The following ASTN2 variants were observed in gnomAD, a reference collection of about 807,000 sequenced individuals.
ASTN2 encodes astrotactin-2.
In ASTN2, 54 loss-of-function variants were observed where a neutral mutation model predicts 139.8. The ratio of observed to expected loss-of-function variants is 0.39; its 90% CI spans 0.31 to 0.48. The LOEUF is 0.48. Among genes scored for constraint, ASTN2 ranks in the 20% least tolerant of loss-of-function variants. The probability of loss-of-function intolerance (pLI) is 0.95; values close to 1 mark genes in which losing one functional copy is unlikely to be tolerated. For synonymous variants in ASTN2, 756 were observed against 719.5 expected (o/e 1.05, Z -0.81); for missense variants, 1,565 against 1,725.1 (o/e 0.91, Z 1.64).
intron 19 of ASTN2, among the ~76,000 whole-genome samples, chr9:116,543,049 A>G (rs781661954): frequency 2.0e-5 from 3 of 152,102 alleles, no homozygotes; most frequent in Non-Finnish European, 4.4e-5. Flanking sequence ...ACTCTCTTTT[A>G]AATTGATTAT....
chr9:117,174,198 A>C (rs945284428), intron 3 of ASTN2, among the ~76,000 whole-genome samples: 6 of 151,988 alleles, frequency 3.9e-5, no homozygotes, highest in Non-Finnish European at 7.4e-5. Context: ...CCATGAATAC[A>C]CATACTTATT....
Position 116,698,748 on chromosome 9 carries a change from C to T in ASTN2, c.2806+27023G>A. The T allele has an allele frequency of 6.2e-7, 1 of 1,614,156 alleles. No individual in the cohort carries two copies. The highest frequency in any genetic ancestry group is 8.5e-7 in the Non-Finnish European group (1 of 1,180,044). On this transcript the variant is annotated intron_variant, in intron 16 of 22. Transcript: ENST00000313400. This position sits in a 1 kb window ranked among gnomAD's most constrained non-coding sequence, Gnocchi z 4.4. Reference sequence around the variant, plus strand: ...GAGCCCGGAGGAAGTGGTTGCCAGCCCTAGGGCCTCACCTGCTAAACAGCG... The same window carrying T: ...GAGCCCGGAGGAAGTGGTTGCCAGCTCTAGGGCCTCACCTGCTAAACAGCG...
At chr9:116,482,697 GCTTTGCTTTTT>G (rs1210140115) in intron 20 of ASTN2, among the ~76,000 whole-genome samples, 1 of 152,026 alleles carries the variant, frequency 6.6e-6, no homozygotes, top group Non-Finnish European at 1.5e-5. Flanking sequence ...CTTCTCCGGG[GCTTTGCTTTTT>G]CTTCTACTCT....
chr9:116,931,752 T>G (rs1362651414), intron 10 of ASTN2, among the ~76,000 whole-genome samples: 1 of 152,178 alleles, frequency 6.6e-6, no homozygotes, highest in Non-Finnish European at 1.5e-5. Flanking sequence ...TCGATAATAC[T>G]AAGACATACA....
chr9:117,342,683 T>C lies in ASTN2; in HGVS notation c.443-51170A>G, dbSNP rs1587965030. Among the ~76,000 whole-genome samples, 7 of 152,304 alleles carry C rather than the reference T, an allele frequency of 4.6e-5. 1 individual carries two copies. The highest frequency in any genetic ancestry group is 2.1e-4 in the South Asian group (1 of 4,824). On this transcript the variant is annotated intron_variant, in intron 1 of 22. Transcript: ENST00000313400. ...GAGGGGAGACTGACTTAACACGCAA[T>C]ATTACCATTTTCAAACTGTGTTTTC...
intron 2 of ASTN2, among the ~76,000 whole-genome samples, chr9:117,262,265 T>C (rs1000544168): frequency 6.6e-6 from 1 of 152,100 alleles, no homozygotes; most frequent in African/African-American, 2.4e-5. Flanking sequence ...GTTTTTCCTG[T>C]GGTTAGGCAG....
At chr9:117,013,482 ATATAT>A (rs747489207) in intron 6 of ASTN2, among the ~76,000 whole-genome samples, 2,402 of 39,542 alleles carry the variant, frequency 0.061, 31 homozygotes, top group East Asian at 0.1. Context: ...ATATATATAT[ATATAT>A]TTTTTTTTTT....
At position 116,699,162 on chromosome 9, in the gene ASTN2, G is replaced by A; in HGVS notation, c.2806+26609C>T. ...CAGGAGCCAGCTGAGCAAACCATGG[G>A]GTATCACAGCCTTGCCATCTGGCCA... On this transcript the variant is annotated intron_variant, in intron 16 of 22. Coordinates refer to ENST00000313400, the MANE Select transcript of ASTN2 (RefSeq NM_001365068.1). The surrounding 1 kb of genome is among the most constrained non-coding windows in gnomAD (Gnocchi z 4.2). 1.2e-6 allele frequency: 2 copies of A among 1,614,246 alleles called. No homozygotes were observed. The highest frequency in any genetic ancestry group is 2.2e-5 in the South Asian group (2 of 91,086).
At chr9:116,649,355 C>T (rs12378351) in intron 17 of ASTN2, among the ~76,000 whole-genome samples, 1 of 151,768 alleles carries the variant, frequency 6.6e-6, no homozygotes, top group African/African-American at 2.4e-5. Flanking sequence ...GGTGGATCAC[C>T]TGAGGCCAGG....
chr9:117,025,356 C>A (rs1838034136), intron 6 of ASTN2, among the ~76,000 whole-genome samples: 1 of 152,166 alleles, frequency 6.6e-6, no homozygotes, highest in South Asian at 2.1e-4. Flanking sequence ...TACTCATGCC[C>A]CCCCTTTTGG....
rs148990040 is a variant in ASTN2, at chr9:116,819,796, G to T, written c.2207+821C>A. Among the ~76,000 whole-genome samples the T allele has an allele frequency of 6.1e-3, 924 of 152,308 alleles. 9 individuals carry two copies. In the Middle Eastern group the frequency reaches 0.075, roughly 12 times the overall value. ...GAAGAGAAGAAAAAAGTCTGTTCTT[G>T]TAAGTGATTACTAAGGACCAAATGC... is the stretch of plus-strand genomic sequence containing the variant. On this transcript the variant is annotated intron_variant, in intron 12 of 22. Coordinates refer to ENST00000313400, the MANE Select transcript of ASTN2 (RefSeq NM_001365068.1).
At chr9:117,099,374 A>G (rs1451617237) in intron 4 of ASTN2, among the ~76,000 whole-genome samples, 1 of 151,940 alleles carries the variant, frequency 6.6e-6, no homozygotes, top group African/African-American at 2.4e-5. Context: ...CTTCCTTCCA[A>G]TCTCCACTTT....
chr9:116,849,086 A>G (rs531779886), intron 11 of ASTN2, among the ~76,000 whole-genome samples: 1 of 152,318 alleles, frequency 6.6e-6, no homozygotes, highest in East Asian at 1.9e-4. Flanking sequence ...CACCAGATGG[A>G]AAAGTTGCAC....
chr9:116,489,497 C>A (rs150344659), intron 19 of ASTN2, among the ~76,000 whole-genome samples: 156 of 152,184 alleles, frequency 1.0e-3, no homozygotes, highest in African/African-American at 3.4e-3. Flanking sequence ...CCACCACACC[C>A]AGCTGACTTT....
At chr9:116,484,783 G>A (rs189964096) in intron 20 of ASTN2, among the ~76,000 whole-genome samples, 2 of 152,198 alleles carry the variant, frequency 1.3e-5, no homozygotes, top group East Asian at 3.8e-4. Context: ...TATTTTAAGA[G>A]GTGGAAAGGA....
chr9:116,965,799 T>C (rs1265949695), intron 10 of ASTN2, among the ~76,000 whole-genome samples: 2 of 152,182 alleles, frequency 1.3e-5, no homozygotes, highest in African/African-American at 2.4e-5. Flanking sequence ...AGCCATGGAA[T>C]GATGAATGGG....
intron 5 of ASTN2, among the ~76,000 whole-genome samples, chr9:117,054,208 C>A (rs1340934343): frequency 1.3e-5 from 2 of 152,144 alleles, no homozygotes; most frequent in African/African-American, 4.8e-5. Context: ...AAGGGCCATT[C>A]TAGACCCACT....
chr9:116,711,474 A>T (rs976186108), intron 16 of ASTN2, among the ~76,000 whole-genome samples: 1 of 152,208 alleles, frequency 6.6e-6, no homozygotes, highest in South Asian at 2.1e-4. Flanking sequence ...TATGACTTCA[A>T]TCATGTATGC....
Position 117,364,836 on chromosome 9 carries a change from G to A in ASTN2, c.442+49661C>T, listed in dbSNP as rs1829791501. Reference sequence around the variant, plus strand: ...AAGTAAATAAAAAAGAAAAGAGCCAGGCATGGTGGCTCATGCCTGTAATCC... The same window carrying A: ...AAGTAAATAAAAAAGAAAAGAGCCAAGCATGGTGGCTCATGCCTGTAATCC... On this transcript the variant is annotated intron_variant, in intron 1 of 22. Coordinates refer to ENST00000313400, the MANE Select transcript of ASTN2 (RefSeq NM_001365068.1). Among the ~76,000 whole-genome samples, 3 of 151,988 alleles carry A rather than the reference G, an allele frequency of 2.0e-5. No individual in the cohort carries two copies. The South Asian group carries it at 6.2e-4, about 32-fold the overall frequency.
Sources: allele counts gnomAD v4.1 joint callset (sites outside exome capture counted in the v4.1 genomes callset), GRCh38; gene constraint gnomAD v4.1.1; non-coding constraint Gnocchi (gnomAD v3.1); transcripts MANE v1.5; gene names NCBI Gene and HGNC (gene_info 2026-07-23, HGNC 2026-07-21).